The following EHMT1 variants were observed in gnomAD, a reference collection of about 807,000 sequenced individuals.
The protein encoded by EHMT1 is euchromatic histone lysine methyltransferase 1, also known as histone-lysine N-methyltransferase EHMT1.
EHMT1 carries 15 observed loss-of-function variants against 147.2 expected under a neutral mutation model. The ratio of observed to expected loss-of-function variants is 0.10; its 90% CI spans 0.07 to 0.16. The LOEUF (loss-of-function observed/expected upper bound fraction) is 0.16. EHMT1 is among the 10% of genes least tolerant of loss of function. EHMT1 has a pLI of 1.00. For synonymous variants in EHMT1, 795 were observed against 709.6 expected, an observed-to-expected ratio of 1.12 and a Z score of -1.91; for missense variants, 1,587 against 1,772.4, an observed-to-expected ratio of 0.90 and a Z score of 1.88.
intron 3 of EHMT1, 59 bp downstream of exon 3, chr9:137,717,241 G>T: frequency 6.3e-7 from 1 of 1,585,528 alleles, no homozygotes; most frequent in Non-Finnish European, 8.5e-7. Flanking sequence ...TTTAATAACG[G>T]CAAATGGACT....
rs1334603186 is a variant in EHMT1, at chr9:137,717,242, C to G, written c.642+60C>G. 4.4e-6 allele frequency: 7 copies of G among 1,583,850 alleles called. No individual in the cohort carries two copies. In the African/African-American group the frequency reaches 8.1e-5, roughly 18 times the overall value. The stretch of plus-strand genomic sequence containing the variant: ...CCCATCTCTTTTGTTTTAATAACGG[C>G]AAATGGACTTTGGTGCATTGAGGAG... On this transcript the variant is annotated intron_variant, in intron 3 of 26. Coordinates refer to ENST00000460843, the MANE Select transcript of EHMT1 (RefSeq NM_024757.5).
At chr9:137,814,205 C>T (rs1954743073) in intron 21 of EHMT1, 4 of 632,302 alleles carry the variant, frequency 6.3e-6, no homozygotes, top group Non-Finnish European at 8.6e-6. Context: ...CCCTGCCTGC[C>T]CCCTGTCCCT....
Position 137,739,521 on chromosome 9 carries a change from G to T in EHMT1, c.824-3850G>T, listed in dbSNP as rs551731183. ...GAGTAGAAGCTGCAGGTCCCTGCTG[G>T]GTTCAATGTTCACACTTGGGTAGAA... On this transcript the variant is annotated intron_variant, in intron 4 of 26. Transcript: ENST00000460843. Among the ~76,000 whole-genome samples the T allele has an allele frequency of 4.9e-4, 75 of 152,180 alleles. 1 individual carries two copies. The highest frequency in any genetic ancestry group is 1.7e-3 in the African/African-American group (72 of 41,518).
rs1366879711 is a variant in EHMT1 at position 137,782,035 on chromosome 9, C to T, written c.2276-256C>T. 6.6e-6 allele frequency among the ~76,000 whole-genome samples: 1 copy of T among 152,218 alleles called. No individual in the cohort carries two copies. The highest frequency in any genetic ancestry group is 1.5e-5 in the Non-Finnish European group (1 of 68,032). On this transcript the variant is annotated intron_variant, in intron 14 of 26. Transcript: ENST00000460843. This position sits in a 1 kb window ranked among gnomAD's most constrained non-coding sequence, Gnocchi z 5.7. ...CACAGAAGGAACCTCAGAGTTAGAGCAGGGTGGTAAAGGGAAGAGCGTGCC... is the reference window on the plus strand; with the variant it reads ...CACAGAAGGAACCTCAGAGTTAGAGTAGGGTGGTAAAGGGAAGAGCGTGCC...
intron 18 of EHMT1, among the ~76,000 whole-genome samples, chr9:137,805,704 C>T (rs1300133195): frequency 1.3e-5 from 2 of 151,902 alleles, no homozygotes; most frequent in African/African-American, 4.8e-5. Context: ...GCTCCGTCGC[C>T]CAGGCTGGAA....
chr9:137,622,677 G>T (rs548786772), intron 1 of EHMT1, among the ~76,000 whole-genome samples: 2 of 152,274 alleles, frequency 1.3e-5, no homozygotes, highest in East Asian at 3.9e-4. Flanking sequence ...GCCGAGATGA[G>T]AGGATCCCCT....
At chr9:137,717,217 C>G in intron 3 of EHMT1, 35 bp downstream of exon 3, 1 of 1,607,162 alleles carries the variant, frequency 6.2e-7, no homozygotes, top group Non-Finnish European at 8.5e-7. Context: ...TTTCCTTTTT[C>G]CCATCTCTTT....
chr9:137,707,192 C>T (rs556126765), intron 1 of EHMT1, among the ~76,000 whole-genome samples: 11 of 152,296 alleles, frequency 7.2e-5, no homozygotes, highest in South Asian at 2.1e-4. Context: ...TCCTAGAGTC[C>T]GTCAGCCATA....
At chr9:137,773,879 T>C (rs1332956571) in intron 10 of EHMT1, among the ~76,000 whole-genome samples, 1 of 152,220 alleles carries the variant, frequency 6.6e-6, no homozygotes, top group Non-Finnish European at 1.5e-5. Flanking sequence ...GGGGGGCTAC[T>C]TCTTGTTTTC....
At chr9:137,812,935 T>G (rs576471952) in intron 19 of EHMT1, 71 bp from the exon 20 acceptor site, 1 of 1,590,988 alleles carries the variant, frequency 6.3e-7, no homozygotes, top group East Asian at 2.2e-5. Flanking sequence ...ACGGACATTT[T>G]ATAAATCTCA....
At chr9:137,657,113 C>T (rs1011162833) in intron 1 of EHMT1, among the ~76,000 whole-genome samples, 2 of 152,146 alleles carry the variant, frequency 1.3e-5, no homozygotes, top group Non-Finnish European at 2.9e-5. Flanking sequence ...GGGGGTGTAG[C>T]AGTGAACAAA....
intron 4 of EHMT1, among the ~76,000 whole-genome samples, chr9:137,740,187 C>T (rs1042196305): frequency 4.6e-5 from 7 of 152,196 alleles, no homozygotes; most frequent in East Asian, 1.9e-4. Context: ...CCCCACCCCA[C>T]GCCCATTTCC....
chr9:137,830,034 A>G (rs1956083449), intron 25 of EHMT1, among the ~76,000 whole-genome samples: 1 of 152,254 alleles, frequency 6.6e-6, no homozygotes, highest in Non-Finnish European at 1.5e-5. Flanking sequence ...AAGTAGCAGC[A>G]AAGAAATTTT....
intron 6 of EHMT1, among the ~76,000 whole-genome samples, chr9:137,750,197 G>C (rs1048994596): frequency 6.6e-6 from 1 of 152,192 alleles, no homozygotes; most frequent in Non-Finnish European, 1.5e-5. Context: ...TAACCAATTA[G>C]AAAATGTAGT....
intron 3 of EHMT1, among the ~76,000 whole-genome samples, chr9:137,721,537 C>A (rs1260650864): frequency 7.7e-6 from 1 of 129,080 alleles, no homozygotes; most frequent in Non-Finnish European, 1.6e-5. Flanking sequence ...CTCACCCTCT[C>A]CCACGCCTCT....
chr9:137,712,610 T>G (rs551987728), intron 2 of EHMT1, among the ~76,000 whole-genome samples: 2 of 152,360 alleles, frequency 1.3e-5, no homozygotes, highest in South Asian at 4.1e-4. Flanking sequence ...TCTTCTCCTG[T>G]GATTTCAAAT....
chr9:137,711,078 C>G, intron 2 of EHMT1, 48 bp downstream of exon 2: 1 of 1,537,444 alleles, frequency 6.5e-7, no homozygotes. Context: ...TCCCTCCAGA[C>G]TAGAAAACCT....
rs1276806923 is a variant in EHMT1, at chr9:137,697,104, A to G, written c.22-13863A>G. 1.0e-5 allele frequency: 4 copies of G among 399,026 alleles called. No homozygotes were observed. The Admixed American group carries it at 1.0e-4, about 10-fold the overall frequency. The allele number at this position is 399,026 out of a possible 1,614,324, so 24.7% of individuals were successfully genotyped here. A position where few individuals can be genotyped will look rare whatever the true frequency, so the allele number is the denominator to read the frequency against. ...GAGACCAGCCCGGCCAATGTGGTAAAACCCTGTCTCTACTAAAAGTGCAAA... is the reference window on the plus strand; with the variant it reads ...GAGACCAGCCCGGCCAATGTGGTAAGACCCTGTCTCTACTAAAAGTGCAAA... On this transcript the variant is annotated intron_variant, in intron 1 of 26. Transcript: ENST00000460843.
chr9:137,621,816 C>A (rs946969949), intron 1 of EHMT1, among the ~76,000 whole-genome samples: 13 of 152,022 alleles, frequency 8.6e-5, no homozygotes, highest in Admixed American at 2.6e-4. Context: ...AGGCAAGTAG[C>A]AGGGTGGCTA....
Sources: gnomAD v4.1 joint callset for allele counts (sites outside exome capture counted in the v4.1 genomes callset) on GRCh38, gnomAD v4.1.1 for gene constraint, Gnocchi (gnomAD v3.1) non-coding constraint, MANE v1.5 for transcripts, NCBI Gene and HGNC (gene_info 2026-07-23, HGNC 2026-07-21) for gene names.